ZNF652: variants seen among roughly 807,000 people sequenced by gnomAD.
ZNF652 encodes the protein zinc finger protein 652.
A neutral mutation model predicts 45.2 loss-of-function variants in ZNF652; 16 were observed. That is an observed-to-expected ratio of 0.35 (90% CI 0.24 to 0.54). The LOEUF is 0.54. Among genes scored for constraint, ZNF652 ranks in the 20% least tolerant of loss-of-function variants. The pLI is 0.91. For missense variants in ZNF652, 614 were observed against 765.6 expected, an observed-to-expected ratio of 0.80 and a Z score of 2.34; for synonymous variants, 250 against 260.6, an observed-to-expected ratio of 0.96 and a Z score of 0.39.
chr17:49,325,647 G>A (rs1464667878), intron 1 of ZNF652, among the ~76,000 whole-genome samples: 4 of 147,910 alleles, frequency 2.7e-5, no homozygotes, highest in East Asian at 2.0e-4. Flanking sequence ...GTGAGATCTC[G>A]TCTCTACAAA....
Position 49,316,833 on chromosome 17 carries a change from TTTTTTTCACAGTCTGTTTGC to T in ZNF652, c.873_892del (p.Gln292HisfsTer7). On this transcript the variant is annotated frameshift_variant, in exon 2 of 6. Transcript: ENST00000430262. LOFTEE classifies it high-confidence loss of function. ...CTCGGTGATGAAACCTACCTGAATG[TTTTTTTCACAGTCTGTTTGC>T]TGGTGAAGGGACAGCTCACTTTCCA... 6.2e-7 allele frequency: 1 copy of T among 1,609,158 alleles called. No homozygotes were observed. Among genetic ancestry groups the T allele is most frequent in the Non-Finnish European group, 8.5e-7 (1 of 1,177,990 alleles).
At chr17:49,319,635 CAAAAAA>C (rs35770760) in intron 1 of ZNF652, among the ~76,000 whole-genome samples, 35 of 46,246 alleles carry the variant, frequency 7.6e-4, no homozygotes, top group South Asian at 3.3e-3. Flanking sequence ...GACTCTGTCT[CAAAAAA>C]AAAAAAAAAA....
chr17:49,326,143 T>C (rs971456747), intron 1 of ZNF652, among the ~76,000 whole-genome samples: 1 of 149,364 alleles, frequency 6.7e-6, no homozygotes, highest in Admixed American at 6.8e-5. Flanking sequence ...CCAGGTACAG[T>C]GGCTCATGCC....
chr17:49,361,307 C>T (rs1239498536), intron 1 of ZNF652: 1 of 152,194 alleles, frequency 6.6e-6, no homozygotes. Flanking sequence ...GGTGTCACTA[C>T]CTTTGGTGTC....
intron 5 of ZNF652, among the ~76,000 whole-genome samples, chr17:49,307,111 G>A (rs935347781): frequency 6.6e-6 from 1 of 151,990 alleles, no homozygotes. Flanking sequence ...TGTCTAGCAG[G>A]GAACTGGCTA....
At position 49,350,971 on chromosome 17, in the gene ZNF652, A is replaced by ATGTG. The variant is rs1491360202; in HGVS notation, c.-259+10937_-259+10938insCACA. Among the ~76,000 whole-genome samples, 129 of 14,240 alleles carry ATGTG rather than the reference A, an allele frequency of 9.1e-3. 2 individuals carry two copies. Among genetic ancestry groups the ATGTG allele is most frequent in the Middle Eastern group, 0.056 (1 of 18 alleles). The allele number at this position is 14,240 out of a possible 152,430, so 9.3% of individuals were successfully genotyped here. On this transcript the variant is annotated intron_variant, in intron 1 of 5. Coordinates refer to ENST00000430262, the MANE Select transcript of ZNF652 (RefSeq NM_001145365.3). The stretch of plus-strand genomic sequence containing the variant: ...GGTGACAGAGCAAGACTCTGTCTAC[A>ATGTG]TATATATATATATATATATATATAT...
chr17:49,341,443 C>T (rs1056114895), intron 1 of ZNF652, among the ~76,000 whole-genome samples: 7 of 126,436 alleles, frequency 5.5e-5, no homozygotes, highest in Non-Finnish European at 9.5e-5. Context: ...ACTTGAGCCT[C>T]GGAGTTTTAG....
intron 1 of ZNF652, among the ~76,000 whole-genome samples, chr17:49,333,007 T>C (rs1021382599): frequency 2.0e-5 from 3 of 151,620 alleles, no homozygotes; most frequent in Admixed American, 6.6e-5. Context: ...CACTGCACTC[T>C]GGCCTGGGCA....
chr17:49,339,196 A>ATTTT lies in ZNF652; in HGVS notation c.-258-21214_-258-21213insAAAA, dbSNP rs766243923. Among the ~76,000 whole-genome samples the ATTTT allele has an allele frequency of 1.1e-3, 112 of 101,736 alleles. 2 individuals carry two copies. The highest frequency in any genetic ancestry group is 1.4e-3 in the Non-Finnish European group (68 of 49,210). The allele number at this position is 101,736 out of a possible 152,430, so 66.7% of individuals were successfully genotyped here. On this transcript the variant is annotated intron_variant, in intron 1 of 5. Coordinates refer to ENST00000430262, the MANE Select transcript of ZNF652 (RefSeq NM_001145365.3). ...AACAAAGAAAAGGTCTGAGTTAGGA[A>ATTTT]ATTTTTTTTTTTTTTTTTTTTTTGA...
chr17:49,314,396 G>C (rs1486757946), intron 2 of ZNF652, among the ~76,000 whole-genome samples: 1 of 152,094 alleles, frequency 6.6e-6, no homozygotes, highest in Non-Finnish European at 1.5e-5. Context: ...TCCTGACCTT[G>C]TGATCTGCCC....
At chr17:49,354,521 G>T (rs1327898799) in intron 1 of ZNF652, among the ~76,000 whole-genome samples, 2 of 149,928 alleles carry the variant, frequency 1.3e-5, no homozygotes, top group Non-Finnish European at 3.0e-5. Context: ...CAAGGCAGGA[G>T]AATCACTTGA....
intron 1 of ZNF652, among the ~76,000 whole-genome samples, chr17:49,345,053 A>G (rs1262695739): frequency 3.9e-5 from 6 of 152,206 alleles, no homozygotes; most frequent in Non-Finnish European, 8.8e-5. Context: ...ACTGGCTAAA[A>G]GATGAGTCAG....
At chr17:49,362,400 G>C (rs2070411914), upstream of ZNF652, 1 of 149,568 alleles carries the variant, frequency 6.7e-6, no homozygotes, top group Non-Finnish European at 1.5e-5. Flanking sequence ...CCCTCGGGCC[G>C]GCCCGGGCGC....
At chr17:49,305,608 T>TG (rs1453424540) in intron 5 of ZNF652, among the ~76,000 whole-genome samples, 1 of 152,218 alleles carries the variant, frequency 6.6e-6, no homozygotes, top group East Asian at 1.9e-4. Context: ...CAACAGTATC[T>TG]GGCACATAGT....
At chr17:49,331,145 G>T (rs1457968121) in intron 1 of ZNF652, among the ~76,000 whole-genome samples, 1 of 133,156 alleles carries the variant, frequency 7.5e-6, no homozygotes, top group Non-Finnish European at 1.6e-5. Flanking sequence ...TTTTTGGGAC[G>T]GAGTCTCGCT....
chr17:49,335,164 A>T (rs759397175), intron 1 of ZNF652, among the ~76,000 whole-genome samples: 1 of 152,250 alleles, frequency 6.6e-6, no homozygotes. Flanking sequence ...CTATTTGGAT[A>T]TAAATAGTTC....
rs2069487284 is a variant in ZNF652, at chr17:49,297,118, T to A, written c.*1295A>T. On this transcript the variant is annotated 3_prime_UTR_variant, in exon 6 of 6. Transcript: ENST00000430262. ...TGTGAACATATCCACATTTTACATA[T>A]AATAGATATTTCAAAATTCATAACC... The A allele has an allele frequency of 6.6e-6, 1 of 152,226 alleles. No homozygotes were observed. The highest frequency in any genetic ancestry group is 2.4e-5 in the African/African-American group (1 of 41,454). The allele number at this position is 152,226 out of a possible 1,614,324, so 9.4% of individuals were successfully genotyped here. A position where few individuals can be genotyped will look rare whatever the true frequency, so the allele number is the denominator to read the frequency against.
At chr17:49,333,229 T>C (rs956600584) in intron 1 of ZNF652, among the ~76,000 whole-genome samples, 2 of 150,794 alleles carry the variant, frequency 1.3e-5, no homozygotes, top group African/African-American at 4.9e-5. Context: ...AGCTAATATT[T>C]TGTATTTTTA....
intron 1 of ZNF652, among the ~76,000 whole-genome samples, chr17:49,325,116 G>A (rs1429543802): frequency 6.6e-6 from 1 of 152,064 alleles, no homozygotes; most frequent in Non-Finnish European, 1.5e-5. Context: ...GGCACAAGAG[G>A]CCTACGTTTT....
Sources: gnomAD v4.1 joint callset for allele counts (sites outside exome capture counted in the v4.1 genomes callset) on GRCh38, gnomAD v4.1.1 for gene constraint, MANE v1.5 for transcripts, NCBI Gene and HGNC (gene_info 2026-07-23, HGNC 2026-07-21) for gene names.